The following WWOX variants were observed in gnomAD, a reference collection of about 807,000 sequenced individuals.
WWOX encodes WW domain containing oxidoreductase.
A neutral mutation model predicts 46.2 loss-of-function variants in WWOX; 69 were observed. The observed-to-expected ratio is 1.49, with a 90% CI of 1.23 to 1.82. The LOEUF (loss-of-function observed/expected upper bound fraction) is 1.82, where lower values mean the gene tolerates loss of function less well. Among genes scored for constraint, WWOX ranks in the 40% most tolerant of loss-of-function variants. WWOX has a pLI of 0.00. For missense variants in WWOX, 919 were observed against 542.6 expected, an observed-to-expected ratio of 1.69 and a Z score of -6.89; for synonymous variants, 359 against 202.6, an observed-to-expected ratio of 1.77 and a Z score of -6.56.
At chr16:78,513,861 C>G (rs2085422607) in intron 8 of WWOX, among the ~76,000 whole-genome samples, 1 of 151,396 alleles carries the variant, frequency 6.6e-6, no homozygotes, top group Admixed American at 6.6e-5. Flanking sequence ...GGTCGAAAAA[C>G]AGTGTTTTCT....
chr16:78,951,277 A>G (rs1478262607), intron 8 of WWOX, among the ~76,000 whole-genome samples: 1 of 152,194 alleles, frequency 6.6e-6, no homozygotes, highest in African/African-American at 2.4e-5. Context: ...AGACATGGCC[A>G]GCATGCGCCC....
intron 8 of WWOX, chr16:78,890,640 C>G (rs566751301): frequency 2.6e-5 from 4 of 152,240 alleles, no homozygotes; most frequent in African/African-American, 7.2e-5. Flanking sequence ...GGTCTGCTCA[C>G]TCAGCCAGTA....
At chr16:78,642,895 C>T (rs1442407849) in intron 8 of WWOX, among the ~76,000 whole-genome samples, 1 of 152,166 alleles carries the variant, frequency 6.6e-6, no homozygotes, top group East Asian at 1.9e-4. Context: ...AATTATGGCA[C>T]TCATCCTACT....
chr16:78,829,132 A>AT (rs762761908), intron 8 of WWOX, among the ~76,000 whole-genome samples: 44 of 150,708 alleles, frequency 2.9e-4, no homozygotes, highest in Middle Eastern at 3.4e-3. Flanking sequence ...GGATGGATGG[A>AT]GAGAGAGAGA....
chr16:78,124,344 T>C (rs2033263815), intron 4 of WWOX: 1 of 152,192 alleles, frequency 6.6e-6, no homozygotes. Flanking sequence ...ATGGCGATTC[T>C]GGGAATTATT....
Position 78,979,030 on chromosome 16 carries a change from T to C in WWOX, c.1057-232578T>C, listed in dbSNP as rs374349044. ...GGACCAGCATCGACCTTCATCAGCA[T>C]CTGCTCTCCTTTACGGCCAGGTCTC... On this transcript the variant is annotated intron_variant, in intron 8 of 8. Coordinates refer to ENST00000566780, the MANE Select transcript of WWOX (RefSeq NM_016373.4). Among the ~76,000 whole-genome samples the C allele has an allele frequency of 1.1e-4, 16 of 151,864 alleles. 1 individual carries two copies. The East Asian group carries it at 1.9e-3, about 18-fold the overall frequency.
chr16:78,914,179 T>A (rs551781073), intron 8 of WWOX, among the ~76,000 whole-genome samples: 1 of 152,068 alleles, frequency 6.6e-6, no homozygotes, highest in Non-Finnish European at 1.5e-5. Context: ...CATAACTCTA[T>A]TTTATTTCTC....
At chr16:79,064,905 G>A (rs990385506) in intron 8 of WWOX, among the ~76,000 whole-genome samples, 2 of 152,162 alleles carry the variant, frequency 1.3e-5, no homozygotes, top group African/African-American at 4.8e-5. Context: ...AGTTTATAAC[G>A]GACGTTCTGA....
At chr16:78,421,397 T>C (rs1214851179) in intron 6 of WWOX, among the ~76,000 whole-genome samples, 1 of 152,232 alleles carries the variant, frequency 6.6e-6, no homozygotes, top group East Asian at 1.9e-4. Flanking sequence ...TCTCCTTCTC[T>C]GTGGGTGTTC....
At chr16:79,077,123 C>G (rs1421012985) in intron 8 of WWOX, among the ~76,000 whole-genome samples, 1 of 152,180 alleles carries the variant, frequency 6.6e-6, no homozygotes, top group African/African-American at 2.4e-5. Context: ...CCACTGCTCT[C>G]CAACCCCTAA....
intron 8 of WWOX, among the ~76,000 whole-genome samples, chr16:78,485,423 TC>T: frequency 6.6e-6 from 1 of 152,174 alleles, no homozygotes; most frequent in Non-Finnish European, 1.5e-5. Flanking sequence ...TCAGACTCTT[TC>T]CCCCTCAACT....
At chr16:78,801,296 G>C (rs2050880770) in intron 8 of WWOX, among the ~76,000 whole-genome samples, 1 of 152,086 alleles carries the variant, frequency 6.6e-6, no homozygotes, top group Non-Finnish European at 1.5e-5. Context: ...GATCCCCTGA[G>C]GTTGGGAGTT....
chr16:78,375,236 A>G (rs1222229263), intron 5 of WWOX, among the ~76,000 whole-genome samples: 1 of 152,212 alleles, frequency 6.6e-6, no homozygotes, highest in Admixed American at 6.5e-5. Context: ...TTTACTGCAT[A>G]TTCTGCATAC....
chr16:78,410,962 A>T (rs541268918), intron 6 of WWOX, among the ~76,000 whole-genome samples: 3 of 152,274 alleles, frequency 2.0e-5, no homozygotes, highest in African/African-American at 4.8e-5. Flanking sequence ...CCAGAGGCGA[A>T]CCTCAGTTCC....
intron 5 of WWOX, among the ~76,000 whole-genome samples, chr16:78,272,246 G>C (rs1375943959): frequency 1.3e-5 from 2 of 152,120 alleles, no homozygotes; most frequent in East Asian, 3.9e-4. Context: ...CACTTCAGCT[G>C]GTCCAGGATG....
intron 8 of WWOX, among the ~76,000 whole-genome samples, chr16:79,002,116 C>T (rs1467233667): frequency 1.3e-5 from 2 of 151,434 alleles, no homozygotes; most frequent in Non-Finnish European, 1.5e-5. Context: ...TGAATCTCAG[C>T]TGGACGATGA....
intron 5 of WWOX, among the ~76,000 whole-genome samples, chr16:78,207,311 A>G (rs1282816922): frequency 3.3e-5 from 5 of 152,188 alleles, no homozygotes; most frequent in Non-Finnish European, 2.9e-5. Context: ...TTCTACATAA[A>G]TTATTACATA....
At chr16:78,723,913 G>T (rs746762632) in intron 8 of WWOX, among the ~76,000 whole-genome samples, 5 of 152,084 alleles carry the variant, frequency 3.3e-5, no homozygotes, top group African/African-American at 7.2e-5. Flanking sequence ...GTCTAGTTTG[G>T]ATTATTTGAG....
chr16:78,768,021 G>C (rs2049966748), intron 8 of WWOX, among the ~76,000 whole-genome samples: 1 of 147,498 alleles, frequency 6.8e-6, no homozygotes, highest in Non-Finnish European at 1.5e-5. Flanking sequence ...GAAAGAGACA[G>C]TTGTTGTTTA....
Sources: gnomAD v4.1 joint callset for allele counts (sites outside exome capture counted in the v4.1 genomes callset) on GRCh38, gnomAD v4.1.1 for gene constraint, MANE v1.5 for transcripts, NCBI Gene and HGNC (gene_info 2026-07-23, HGNC 2026-07-21) for gene names.